The following MSANTD7 variants were observed in gnomAD, a reference collection of about 807,000 sequenced individuals.
MSANTD7 encodes the protein zinc finger and SCAN domain containing 29.
At chr10:14,840,062 T>TTA in the MSANTD7 span, 2,969 of 545,074 alleles carry the variant, frequency 5.4e-3, 23 homozygotes, top group East Asian at 0.11. Flanking sequence ...ATATATATTA[T>TTA]TTTTTTTTTC....
the MSANTD7 span, chr10:14,846,734 T>C: frequency 1.0e-6 from 1 of 985,084 alleles, no homozygotes; most frequent in Non-Finnish European, 1.2e-6. Context: ...TAAGGCACTG[T>C]CATGTAACAA....
the MSANTD7 span, among the ~76,000 whole-genome samples, chr10:14,841,597 AAT>A: frequency 2.0e-5 from 3 of 152,220 alleles, no homozygotes; most frequent in East Asian, 5.8e-4. Context: ...GGTAGCCAAC[AAT>A]ATGTTACTGT....
chr10:14,845,773 G>C, the MSANTD7 span: 1 of 173,158 alleles, frequency 5.8e-6, no homozygotes, highest in African/African-American at 2.4e-5. Context: ...TGTTGGCCAG[G>C]CTAGTCTTGA....
the MSANTD7 span, chr10:14,840,180 T>C: frequency 2.1e-5 from 24 of 1,126,716 alleles, no homozygotes; most frequent in Admixed American, 4.9e-5. Context: ...ATGATACTTT[T>C]AAATATGGTA....
the MSANTD7 span, chr10:14,845,229 T>C: frequency 1.0e-6 from 1 of 985,222 alleles, no homozygotes; most frequent in Non-Finnish European, 1.2e-6. Context: ...AAGCTTTTAG[T>C]GATTTACTTA....
the MSANTD7 span, chr10:14,844,974 A>T: frequency 1.0e-6 from 1 of 985,428 alleles, no homozygotes; most frequent in Non-Finnish European, 1.2e-6. Context: ...TGTAGACAGA[A>T]GTTTATGTAG....
the MSANTD7 span, among the ~76,000 whole-genome samples, chr10:14,839,055 T>C: frequency 1.3e-5 from 2 of 152,166 alleles, no homozygotes; most frequent in Admixed American, 6.5e-5. Context: ...CTGGGGCTGA[T>C]GGTCCCGCAA....
the MSANTD7 span, among the ~76,000 whole-genome samples, chr10:14,841,880 A>G: frequency 6.6e-6 from 1 of 152,122 alleles, no homozygotes; most frequent in African/African-American, 2.4e-5. Context: ...CAGCCCATCT[A>G]CTCACCAGAC....
the MSANTD7 span, chr10:14,839,757 G>A: frequency 1.3e-4 from 58 of 461,338 alleles, no homozygotes; most frequent in Admixed American, 1.4e-3. Context: ...ATGAAAACGA[G>A]GAAATTAAAT....
the MSANTD7 span, chr10:14,842,499 T>C: frequency 6.5e-7 from 1 of 1,536,138 alleles, no homozygotes; most frequent in South Asian, 1.2e-5. This position sits in a 1 kb window ranked among gnomAD's most constrained non-coding sequence, Gnocchi z 5.2. Context: ...CTGAAGGCAT[T>C]ATATTTAAAG....
the MSANTD7 span, chr10:14,846,701 A>AT: frequency 8.2e-6 from 8 of 973,232 alleles, no homozygotes; most frequent in Non-Finnish European, 9.8e-6. Flanking sequence ...GAACAGATGA[A>AT]TGTATGAGCA....
At chr10:14,844,370 A>G in the MSANTD7 span, 6 of 1,024,288 alleles carry the variant, frequency 5.9e-6, no homozygotes, top group Admixed American at 2.5e-4. Context: ...TACAAGATAC[A>G]GAAGTATGGA....
the MSANTD7 span, chr10:14,846,269 C>G: frequency 2.0e-6 from 2 of 985,334 alleles, no homozygotes; most frequent in Non-Finnish European, 2.4e-6. Flanking sequence ...CACAGAAGTA[C>G]TTGACGGAGA....
chr10:14,838,388 C>G, the MSANTD7 span: 1 of 1,598,636 alleles, frequency 6.3e-7, no homozygotes, highest in Non-Finnish European at 8.5e-7. Flanking sequence ...CTGCCGCTGC[C>G]GTCCCTGCTG....
At chr10:14,846,785 C>T in the MSANTD7 span, 1 of 985,344 alleles carries the variant, frequency 1.0e-6, no homozygotes. Context: ...CTGGTGTGTG[C>T]CAAGCCCGTG....
chr10:14,841,173 A>G, the MSANTD7 span: 1 of 152,202 alleles, frequency 6.6e-6, no homozygotes, highest in Admixed American at 6.5e-5. Context: ...CAGGATACTT[A>G]TGCACTAAGC....
the MSANTD7 span, chr10:14,838,671 C>T: frequency 3.9e-6 from 2 of 517,514 alleles, no homozygotes; most frequent in Non-Finnish European, 6.8e-6. Flanking sequence ...GGCGGAGGCT[C>T]GCGGCGATGT....
the MSANTD7 span, chr10:14,846,443 A>G: frequency 1.0e-6 from 1 of 985,314 alleles, no homozygotes; most frequent in African/African-American, 1.7e-5. Context: ...ATAAAAGTCA[A>G]GGGAAAGGTC....
chr10:14,845,675 C>T, the MSANTD7 span: 1 of 298,550 alleles, frequency 3.3e-6, no homozygotes, highest in Non-Finnish European at 4.9e-6. Context: ...CTCACTGCAA[C>T]CTCAGCCTCC....
Sources: allele counts gnomAD v4.1 joint callset (sites outside exome capture counted in the v4.1 genomes callset), GRCh38; gene constraint gnomAD v4.1.1; non-coding constraint Gnocchi (gnomAD v3.1); transcripts MANE v1.5; gene names NCBI Gene and HGNC (gene_info 2026-07-23, HGNC 2026-07-21).